Variants in SPAG9 observed in about 807,000 individuals in gnomAD.
SPAG9 encodes the protein C-Jun-amino-terminal kinase-interacting protein 4.
SPAG9 carries 35 observed loss-of-function variants against 166.5 expected under a neutral mutation model. The ratio of observed to expected loss-of-function variants is 0.21; its 90% CI spans 0.16 to 0.28. The LOEUF is 0.28. Among genes scored for constraint, SPAG9 ranks in the 10% least tolerant of loss-of-function variants. SPAG9 has a pLI of 1.00. For missense variants in SPAG9, 1,235 were observed against 1,603.3 expected (o/e 0.77, Z 3.92); for synonymous variants, 534 against 565.5 (o/e 0.94, Z 0.79).
At chr17:51,047,584 G>A (rs1030015854) in intron 3 of SPAG9, 115 bp from the exon 4 acceptor site, 14 of 433,772 alleles carry the variant, frequency 3.2e-5, no homozygotes, top group South Asian at 2.3e-4. Flanking sequence ...CAGACTACTC[G>A]ATTCCAAGTA....
At chr17:51,096,625 T>A (rs1306518496) in intron 1 of SPAG9, among the ~76,000 whole-genome samples, 5 of 152,158 alleles carry the variant, frequency 3.3e-5, no homozygotes, top group African/African-American at 4.8e-5. Flanking sequence ...CGAATGTTAC[T>A]ACAACAACAT....
intron 5 of SPAG9, 116 bp from the exon 6 acceptor site, chr17:51,031,838 T>C: frequency 2.5e-6 from 2 of 796,240 alleles, no homozygotes; most frequent in South Asian, 1.5e-5. Context: ...TATTATCTAC[T>C]GTGTTTAAAA....
chr17:50,984,252 C>T (rs1476765099), intron 24 of SPAG9, among the ~76,000 whole-genome samples: 1 of 151,864 alleles, frequency 6.6e-6, no homozygotes, highest in Non-Finnish European at 1.5e-5. Context: ...TAAATCTTAC[C>T]CAATTAAAAT....
intron 4 of SPAG9, among the ~76,000 whole-genome samples, chr17:51,042,353 G>T (rs2046871411): frequency 6.6e-6 from 1 of 152,146 alleles, no homozygotes; most frequent in Admixed American, 6.5e-5. Context: ...CAATGAACAA[G>T]AGTTACAATT....
At chr17:50,990,718 AT>A in intron 19 of SPAG9, 50 bp from the exon 20 acceptor site, 74 of 1,471,774 alleles carry the variant, frequency 5.0e-5, no homozygotes, top group Non-Finnish European at 5.6e-5. Context: ...TATAAATAAC[AT>A]TTTTTTTACT....
intron 2 of SPAG9, among the ~76,000 whole-genome samples, chr17:51,076,510 C>T (rs1181649156): frequency 2.0e-5 from 3 of 151,918 alleles, no homozygotes; most frequent in African/African-American, 4.8e-5. Flanking sequence ...CCGAGGCAGG[C>T]GGATCACCTG....
At position 51,053,849 on chromosome 17, in the gene SPAG9, AAAAAAGT is replaced by A. The variant is rs1443353923; in HGVS notation, c.495+2556_495+2562del. Among the ~76,000 whole-genome samples the A allele has an allele frequency of 9.4e-3, 656 of 69,642 alleles. 10 individuals carry two copies. The highest frequency in any genetic ancestry group is 0.012 in the Non-Finnish European group (488 of 39,880). 45.7% of individuals were successfully genotyped at this position (69,642 alleles called of 152,430 possible). On this transcript the variant is annotated intron_variant, in intron 3 of 29. Transcript: ENST00000262013. Reference sequence around the variant, plus strand: ...TGAGACCCTAATTAAAAAAAAAAAAAAAAAAGTATATATATATATATATATATATATA... The same window carrying A: ...TGAGACCCTAATTAAAAAAAAAAAAAATATATATATATATATATATATATA...
chr17:51,003,608 G>A (rs35633223), intron 12 of SPAG9, among the ~76,000 whole-genome samples: 37,631 of 152,092 alleles, frequency 0.25, 5,391 homozygotes, highest in Admixed American at 0.34. Context: ...AATATAGAGT[G>A]AGCACAGGGG....
chr17:51,031,551 T>C, intron 6 of SPAG9, 130 bp downstream of exon 6: 1 of 713,202 alleles, frequency 1.4e-6, no homozygotes, highest in Non-Finnish European at 2.4e-6. Flanking sequence ...TTCTTTTATA[T>C]TTCAGTGAAT....
chr17:51,077,442 G>A (rs1324408340), intron 2 of SPAG9, among the ~76,000 whole-genome samples: 2 of 151,602 alleles, frequency 1.3e-5, no homozygotes, highest in East Asian at 1.9e-4. Context: ...TTAAAAAAAA[G>A]TACAATCAAA....
At chr17:51,014,124 C>T in intron 9 of SPAG9, 108 bp downstream of exon 9, 2 of 914,062 alleles carry the variant, frequency 2.2e-6, no homozygotes, top group Non-Finnish European at 3.1e-6. Context: ...AGGGCAATAA[C>T]CCTGTATCAC....
chr17:51,065,896 T>C (rs985959882), intron 2 of SPAG9, among the ~76,000 whole-genome samples: 1 of 152,214 alleles, frequency 6.6e-6, no homozygotes, highest in Non-Finnish European at 1.5e-5. Context: ...GAAATGCCCA[T>C]GTCTCCGCAA....
At chr17:51,116,025 C>T (rs2049277956) in intron 1 of SPAG9, among the ~76,000 whole-genome samples, 1 of 151,936 alleles carries the variant, frequency 6.6e-6, no homozygotes, top group South Asian at 2.1e-4. Flanking sequence ...CGTATGTCTA[C>T]TTTTCAGAAG....
rs375732383 is a variant in SPAG9, at chr17:50,985,794, C to A, written c.2940-16G>T. 2 of 1,489,788 alleles carry A rather than the reference C, an allele frequency of 1.3e-6. No individual in the cohort carries two copies. Among genetic ancestry groups the A allele is most frequent in the South Asian group, 2.3e-5 (2 of 87,234 alleles). The allele number at this position is 1,489,788 out of a possible 1,614,324, so 92.3% of individuals were successfully genotyped here. On this transcript the variant is annotated splice_polypyrimidine_tract_variant and intron_variant, in intron 22 of 29. Transcript: ENST00000262013. ...GACATACAAACTGTAAGAACAAAGT[C>A]AACACTGGTAAGGCATAGAGAACAT... is the stretch of plus-strand genomic sequence containing the variant.
intron 5 of SPAG9, among the ~76,000 whole-genome samples, chr17:51,040,820 T>G (rs1424173403): frequency 6.6e-6 from 1 of 152,216 alleles, no homozygotes; most frequent in Admixed American, 6.5e-5. Context: ...GCCTGTTTCA[T>G]GATGAGTTGA....
At chr17:51,024,713 C>CA (rs35903769) in intron 6 of SPAG9, among the ~76,000 whole-genome samples, 42,819 of 126,534 alleles carry the variant, frequency 0.34, 6,391 homozygotes, top group Admixed American at 0.4. Context: ...GACTCTGTCT[C>CA]AAAAAAAAAA....
chr17:50,999,765 T>TAC (rs2044848876), intron 13 of SPAG9, 48 bp from the exon 14 acceptor site: 2 of 1,522,296 alleles, frequency 1.3e-6, no homozygotes, highest in Non-Finnish European at 1.8e-6. Flanking sequence ...TGAGGTATTC[T>TAC]ACCTTTCTTT....
At position 51,088,380 on chromosome 17, in the gene SPAG9, C is replaced by G. The variant is rs116616433; in HGVS notation, c.304-8676G>C. On this transcript the variant is annotated intron_variant, in intron 1 of 29. Coordinates refer to ENST00000262013, the MANE Select transcript of SPAG9 (RefSeq NM_001130528.3). Reference sequence around the variant, plus strand: ...TATAAAACTAAAACTCTTTGCCCACCCATCCAATAGGAGTACTCACTGTAT... The same window carrying G: ...TATAAAACTAAAACTCTTTGCCCACGCATCCAATAGGAGTACTCACTGTAT... 5.3e-3 allele frequency among the ~76,000 whole-genome samples: 804 copies of G among 152,246 alleles called. 5 individuals carry two copies. Among genetic ancestry groups the G allele is most frequent in the African/African-American group, 0.018 (757 of 41,534 alleles).
chr17:51,026,807 G>C (rs2046198681), intron 6 of SPAG9, among the ~76,000 whole-genome samples: 1 of 151,578 alleles, frequency 6.6e-6, no homozygotes, highest in Non-Finnish European at 1.5e-5. Context: ...CTCCCGAGTA[G>C]CTGGGATTAC....
Sources: allele counts gnomAD v4.1 joint callset (sites outside exome capture counted in the v4.1 genomes callset), GRCh38; gene constraint gnomAD v4.1.1; transcripts MANE v1.5; gene names NCBI Gene and HGNC (gene_info 2026-07-23, HGNC 2026-07-21).